Variants in NREP observed in about 807,000 individuals in gnomAD.
NREP encodes the protein neuronal regeneration related protein.
Under a neutral mutation model 8.6 loss-of-function variants are expected in NREP, and 5 were observed. The observed-to-expected ratio is 0.58, with a 90% CI of 0.30 to 1.22. The LOEUF (loss-of-function observed/expected upper bound fraction) is 1.22, where lower values mean the gene tolerates loss of function less well. Among genes scored for constraint, NREP ranks in the 50% most tolerant of loss-of-function variants. The probability of loss-of-function intolerance (pLI) is 0.07; values close to 1 mark genes in which losing one functional copy is unlikely to be tolerated. For missense variants in NREP, 86 were observed against 82.5 expected (o/e 1.04, Z -0.17); for synonymous variants, 27 against 28.0 (o/e 0.96, Z 0.11).
upstream of NREP, among the ~76,000 whole-genome samples, chr5:111,760,468 C>T (rs922022969): frequency 2.6e-5 from 4 of 152,188 alleles, no homozygotes; most frequent in Non-Finnish European, 2.9e-5. Flanking sequence ...TGGAATTTGT[C>T]GTCTGGGGTG....
intron 2 of NREP, among the ~76,000 whole-genome samples, chr5:111,930,969 T>C (rs1755520708): frequency 6.6e-6 from 1 of 152,104 alleles, no homozygotes; most frequent in African/African-American, 2.4e-5. Context: ...TATGCCATCA[T>C]TGTGCATCTA....
chr5:111,923,872 C>T (rs1439672567), intron 2 of NREP, among the ~76,000 whole-genome samples: 1 of 151,998 alleles, frequency 6.6e-6, no homozygotes, highest in Non-Finnish European at 1.5e-5. Context: ...CTTTTTGATT[C>T]TGGATCCCAA....
chr5:111,786,236 T>G (rs1325738163), intron 2 of NREP, among the ~76,000 whole-genome samples: 1 of 152,200 alleles, frequency 6.6e-6, no homozygotes, highest in East Asian at 1.9e-4. Context: ...TCATCTCCCT[T>G]TTGCCGCCTT....
At chr5:111,768,028 CTT>C (rs1339505611) in intron 2 of NREP, among the ~76,000 whole-genome samples, 1 of 152,102 alleles carries the variant, frequency 6.6e-6, no homozygotes, top group East Asian at 1.9e-4. Flanking sequence ...AACTATATCT[CTT>C]GTCTTGAAGG....
chr5:111,918,834 T>C (rs1755140430), intron 2 of NREP, among the ~76,000 whole-genome samples: 1 of 152,060 alleles, frequency 6.6e-6, no homozygotes. Flanking sequence ...CCAAAAGCAA[T>C]GGCAACAAAA....
intron 2 of NREP, among the ~76,000 whole-genome samples, chr5:111,955,909 A>C (rs1225603047): frequency 7.1e-6 from 1 of 140,866 alleles, no homozygotes; most frequent in Non-Finnish European, 1.5e-5. Context: ...TGAAAAAAAA[A>C]AAAACAAAAA....
intron 2 of NREP, among the ~76,000 whole-genome samples, chr5:111,737,779 G>C (rs1045363550): frequency 1.0e-4 from 15 of 150,168 alleles, no homozygotes; most frequent in Non-Finnish European, 1.8e-4. Flanking sequence ...AAGAACTTGG[G>C]AACATGAATA....
At chr5:111,787,418 C>T (rs920412459) in intron 2 of NREP, among the ~76,000 whole-genome samples, 1 of 151,934 alleles carries the variant, frequency 6.6e-6, no homozygotes, top group Non-Finnish European at 1.5e-5. Flanking sequence ...TTGTGGGTTG[C>T]GAAGAAAACT....
At chr5:111,815,659 A>G (rs1307014168) in intron 2 of NREP, among the ~76,000 whole-genome samples, 1 of 152,130 alleles carries the variant, frequency 6.6e-6, no homozygotes, top group Non-Finnish European at 1.5e-5. Context: ...GGCAAAACCG[A>G]AGGTATGATT....
At chr5:111,817,047 A>G (rs1291646208) in intron 2 of NREP, among the ~76,000 whole-genome samples, 1 of 152,150 alleles carries the variant, frequency 6.6e-6, no homozygotes, top group Non-Finnish European at 1.5e-5. Flanking sequence ...CTTTTTAATA[A>G]TATTTTAATT....
intron 2 of NREP, among the ~76,000 whole-genome samples, chr5:111,906,966 G>A (rs10050785): frequency 0.11 from 16,670 of 151,658 alleles, 1,404 homozygotes; most frequent in African/African-American, 0.23. Flanking sequence ...ACAGAGTTTC[G>A]TGTTGTTGTC....
chr5:111,897,832 A>G (rs1754547664), intron 2 of NREP, among the ~76,000 whole-genome samples: 1 of 152,184 alleles, frequency 6.6e-6, no homozygotes, highest in Admixed American at 6.6e-5. Context: ...AAATAACATA[A>G]AAGTAAAAAG....
intron 2 of NREP, among the ~76,000 whole-genome samples, chr5:111,790,242 A>G (rs1396424419): frequency 6.6e-6 from 1 of 151,814 alleles, no homozygotes; most frequent in Non-Finnish European, 1.5e-5. Flanking sequence ...AATCCAGGAC[A>G]TCCTAAATAC....
intron 2 of NREP, among the ~76,000 whole-genome samples, chr5:111,958,943 G>C (rs956017428): frequency 6.6e-6 from 1 of 151,844 alleles, no homozygotes; most frequent in Non-Finnish European, 1.5e-5. Context: ...AGACAGAATA[G>C]ATAGCCTTAC....
At chr5:111,838,842 A>G (rs1251644653) in intron 2 of NREP, among the ~76,000 whole-genome samples, 1 of 152,092 alleles carries the variant, frequency 6.6e-6, no homozygotes, top group Non-Finnish European at 1.5e-5. Flanking sequence ...ATAGAAATAG[A>G]TACATATGTG....
At chr5:111,858,471 GT>G (rs1390712787) in intron 2 of NREP, among the ~76,000 whole-genome samples, 1 of 152,062 alleles carries the variant, frequency 6.6e-6, no homozygotes, top group Non-Finnish European at 1.5e-5. Context: ...AAGGAGTAGG[GT>G]AGCTCTCATG....
chr5:111,775,718 C>T (rs766313029), intron 2 of NREP, among the ~76,000 whole-genome samples: 36 of 151,890 alleles, frequency 2.4e-4, no homozygotes, highest in African/African-American at 7.3e-4. Flanking sequence ...AAATTTGATG[C>T]GAAGAAAATA....
intron 2 of NREP, among the ~76,000 whole-genome samples, chr5:111,925,839 C>G (rs1424126064): frequency 2.0e-5 from 3 of 152,124 alleles, no homozygotes; most frequent in African/African-American, 7.2e-5. Context: ...ACGGTCCTAG[C>G]CAGGGTTTTC....
At chr5:111,900,494 A>C (rs927359907) in intron 2 of NREP, among the ~76,000 whole-genome samples, 1 of 152,046 alleles carries the variant, frequency 6.6e-6, no homozygotes, top group Non-Finnish European at 1.5e-5. Flanking sequence ...TTTTTAAAAA[A>C]GGATAAGTTG....
Sources: gnomAD v4.1 joint callset for allele counts (sites outside exome capture counted in the v4.1 genomes callset) on GRCh38, gnomAD v4.1.1 for gene constraint, MANE v1.5 for transcripts, NCBI Gene and HGNC (gene_info 2026-07-23, HGNC 2026-07-21) for gene names.